The following DAPK1 variants were observed in gnomAD, a reference collection of about 807,000 sequenced individuals.
DAPK1 encodes the protein death associated protein kinase 1, also known as death-associated protein kinase 1.
A neutral mutation model predicts 144.9 loss-of-function variants in DAPK1; 56 were observed. That is an observed-to-expected ratio of 0.39 (90% confidence interval 0.31 to 0.48). The LOEUF is 0.48. Among genes scored for constraint, DAPK1 ranks in the 20% least tolerant of loss-of-function variants. The pLI is 0.95. For synonymous variants in DAPK1, 690 were observed against 749.0 expected (o/e 0.92, Z 1.29); for missense variants, 1,454 against 1,875.4 (o/e 0.78, Z 4.15).
intron 3 of DAPK1, among the ~76,000 whole-genome samples, chr9:87,636,258 G>A (rs1482358017): frequency 6.6e-6 from 1 of 152,152 alleles, no homozygotes; most frequent in Non-Finnish European, 1.5e-5. Context: ...TCCTGGCTGG[G>A]CCCAGGCCCT....
At chr9:87,705,864 CA>C (rs201312788) in intron 25 of DAPK1, among the ~76,000 whole-genome samples, 11 of 143,306 alleles carry the variant, frequency 7.7e-5, no homozygotes, top group Non-Finnish European at 1.5e-4. Context: ...TGCCATCTCC[CA>C]TTTTTTTTTC....
chr9:87,633,798 T>C (rs1273954778), intron 3 of DAPK1, among the ~76,000 whole-genome samples: 1 of 152,214 alleles, frequency 6.6e-6, no homozygotes, highest in Non-Finnish European at 1.5e-5. Context: ...TAGCCTTCTA[T>C]GGCTATGTAA....
At chr9:87,571,378 T>G (rs1001059098) in intron 2 of DAPK1, among the ~76,000 whole-genome samples, 1 of 150,572 alleles carries the variant, frequency 6.6e-6, no homozygotes, top group African/African-American at 2.4e-5. Context: ...CTTGGCTCTG[T>G]GGGGAACCTG....
At chr9:87,621,128 C>T (rs1380762225) in intron 3 of DAPK1, among the ~76,000 whole-genome samples, 3 of 152,230 alleles carry the variant, frequency 2.0e-5, no homozygotes, top group Non-Finnish European at 2.9e-5. Context: ...CCTCCCTCCT[C>T]CAAGTATTGC....
intron 18 of DAPK1, among the ~76,000 whole-genome samples, chr9:87,664,959 C>T (rs1202512012): frequency 6.6e-6 from 1 of 152,236 alleles, no homozygotes; most frequent in African/African-American, 2.4e-5. Flanking sequence ...GCCCGGGGGC[C>T]TTTGCACTTG....
chr9:87,571,468 C>CCCCCCA (rs1292783601), intron 2 of DAPK1, among the ~76,000 whole-genome samples: 4 of 56,888 alleles, frequency 7.0e-5, no homozygotes, highest in Admixed American at 1.8e-4. Flanking sequence ...CACACACACA[C>CCCCCCA]ACACACCAAC....
At chr9:87,646,634 G>A (rs1222662960) in intron 13 of DAPK1, 75 bp downstream of exon 13, 1 of 1,194,744 alleles carries the variant, frequency 8.4e-7, no homozygotes, top group Non-Finnish European at 1.2e-6. Context: ...GGGTAACAGA[G>A]GAAAAAAATT....
chr9:87,692,475 A>T (rs1825094974), intron 21 of DAPK1, among the ~76,000 whole-genome samples: 1 of 152,096 alleles, frequency 6.6e-6, no homozygotes, highest in African/African-American at 2.4e-5. Flanking sequence ...TATACATTCA[A>T]GGTTATTGTT....
At chr9:87,593,057 C>T (rs1828191665) in intron 2 of DAPK1, among the ~76,000 whole-genome samples, 1 of 152,186 alleles carries the variant, frequency 6.6e-6, no homozygotes, top group Admixed American at 6.5e-5. Context: ...CCACTCACTG[C>T]CTCCCTGAGA....
At chr9:87,663,193 G>A (rs1042774991) in intron 18 of DAPK1, among the ~76,000 whole-genome samples, 2 of 152,074 alleles carry the variant, frequency 1.3e-5, no homozygotes, top group South Asian at 2.1e-4. Flanking sequence ...CTTGCCTTCC[G>A]TTCCACGTAA....
At chr9:87,532,221 A>G (rs1318306513) in intron 2 of DAPK1, among the ~76,000 whole-genome samples, 1 of 152,242 alleles carries the variant, frequency 6.6e-6, no homozygotes, top group African/African-American at 2.4e-5. Context: ...TCCTTCTGCT[A>G]AGAATTGTTT....
intron 18 of DAPK1, among the ~76,000 whole-genome samples, chr9:87,661,070 C>A (rs1830829116): frequency 6.6e-6 from 1 of 152,184 alleles, no homozygotes; most frequent in Non-Finnish European, 1.5e-5. Context: ...GATCTCCTGA[C>A]CTTGTGATCT....
At chr9:87,515,908 T>C (rs1373641406) in intron 2 of DAPK1, among the ~76,000 whole-genome samples, 2 of 152,130 alleles carry the variant, frequency 1.3e-5, no homozygotes, top group African/African-American at 4.8e-5. Flanking sequence ...CAGGTCGGTC[T>C]TACCAGCCTC....
chr9:87,630,923 G>T (rs1408915318), intron 3 of DAPK1, among the ~76,000 whole-genome samples: 1 of 152,150 alleles, frequency 6.6e-6, no homozygotes, highest in Non-Finnish European at 1.5e-5. Flanking sequence ...GTGCACTAAG[G>T]TTAGAGAACC....
chr9:87,701,371 A>G (rs1211348282), intron 24 of DAPK1, among the ~76,000 whole-genome samples: 2 of 152,208 alleles, frequency 1.3e-5, no homozygotes, highest in Non-Finnish European at 2.9e-5. Context: ...CAAAATAACT[A>G]GGGACTGAGG....
intron 20 of DAPK1, among the ~76,000 whole-genome samples, chr9:87,684,183 C>T (rs534765447): frequency 6.6e-6 from 1 of 152,336 alleles, no homozygotes; most frequent in Admixed American, 6.5e-5. Context: ...TGGACTTTGG[C>T]AGAGGGTATG....
At chr9:87,508,535 G>A (rs1268622139) in intron 2 of DAPK1, among the ~76,000 whole-genome samples, 1 of 151,710 alleles carries the variant, frequency 6.6e-6, no homozygotes, top group African/African-American at 2.4e-5. Context: ...GTAGAGTCAG[G>A]GTTTCACCGT....
chr9:87,640,276 T>C, intron 7 of DAPK1, 22 bp from the exon 8 acceptor site: 8 of 1,607,680 alleles, frequency 5.0e-6, no homozygotes, highest in Non-Finnish European at 6.8e-6. Flanking sequence ...TAATGTTCTA[T>C]GCCCAACTTT....
intron 2 of DAPK1, among the ~76,000 whole-genome samples, chr9:87,584,221 T>G (rs1173442166): frequency 1.3e-5 from 2 of 152,202 alleles, no homozygotes; most frequent in African/African-American, 4.8e-5. Flanking sequence ...CTCTTAGCAT[T>G]TTTCAAGAAT....
Sources: allele counts gnomAD v4.1 joint callset (sites outside exome capture counted in the v4.1 genomes callset), GRCh38; gene constraint gnomAD v4.1.1; transcripts MANE v1.5; gene names NCBI Gene and HGNC (gene_info 2026-07-23, HGNC 2026-07-21).